Variants in GALNT9 observed in about 807,000 individuals in gnomAD.
The protein encoded by GALNT9 is polypeptide N-acetylgalactosaminyltransferase 9.
GALNT9 carries 47 observed loss-of-function variants against 63.1 expected under a neutral mutation model. The observed-to-expected ratio is 0.75, with a 90% CI of 0.59 to 0.95. GALNT9 has a LOEUF of 0.95. Among genes scored for constraint, GALNT9 ranks in the 40% least tolerant of loss-of-function variants. GALNT9 has a pLI of 0.00. For synonymous variants in GALNT9, 396 were observed against 365.7 expected, an observed-to-expected ratio of 1.08 and a Z score of -0.94; for missense variants, 829 against 874.8, an observed-to-expected ratio of 0.95 and a Z score of 0.66.
At chr12:132,243,740 C>T (rs2136905890) in intron 6 of GALNT9, among the ~76,000 whole-genome samples, 1 of 152,332 alleles carries the variant, frequency 6.6e-6, no homozygotes, top group Middle Eastern at 3.4e-3. Flanking sequence ...CTCTCCCCAA[C>T]ATGCCACCAC....
intron 1 of GALNT9, among the ~76,000 whole-genome samples, chr12:132,311,633 T>A (rs1881815054): frequency 6.6e-6 from 1 of 152,216 alleles, no homozygotes; most frequent in African/African-American, 2.4e-5. Flanking sequence ...CCAGGGCAGC[T>A]GCCGTGGGAC....
rs148718341 is a variant in GALNT9, at chr12:132,250,232, A to G, written c.960-2205T>C. Among the ~76,000 whole-genome samples the G allele has an allele frequency of 3.3e-5, 5 of 152,178 alleles. No homozygotes were observed. The East Asian group carries it at 9.7e-4, about 29-fold the overall frequency. On this transcript the variant is annotated intron_variant, in intron 5 of 10. Coordinates refer to ENST00000328957, the MANE Select transcript of GALNT9 (RefSeq NM_001122636.2). The stretch of plus-strand genomic sequence containing the variant: ...GACTCCGTCCGCATGCAAGGAACAG[A>G]AGAGGCAAGTCCACGGGGGCAGGAA...
At chr12:132,306,809 C>G (rs28429676) in intron 1 of GALNT9, among the ~76,000 whole-genome samples, 48,573 of 152,210 alleles carry the variant, frequency 0.32, 8,971 homozygotes, top group East Asian at 0.57. Flanking sequence ...AGATGGCTCA[C>G]TTCCGCGCAC....
intron 6 of GALNT9, among the ~76,000 whole-genome samples, chr12:132,226,835 C>T (rs1261411453): frequency 2.0e-5 from 3 of 150,018 alleles, no homozygotes; most frequent in East Asian, 4.0e-4. Context: ...ACACCCCACA[C>T]ACACCATATA....
intron 2 of GALNT9, chr12:132,278,149 G>T (rs1880182460): frequency 6.6e-6 from 1 of 152,256 alleles, no homozygotes; most frequent in East Asian, 1.9e-4. Context: ...GCCCCCGGGG[G>T]CTGGGAGTGG....
chr12:132,265,180 C>T lies in GALNT9; in HGVS notation c.420-2555G>A, dbSNP rs782403271. On this transcript the variant is annotated intron_variant, in intron 2 of 10. Transcript: ENST00000328957. This position sits in a 1 kb window ranked among gnomAD's most constrained non-coding sequence, Gnocchi z 5.3. ...AAGATTTTCCAACAAGTCCCAAATGCCCATCAATGAGGAAGGCAAGTCGCT... is the reference window on the plus strand; with the variant it reads ...AAGATTTTCCAACAAGTCCCAAATGTCCATCAATGAGGAAGGCAAGTCGCT... Among the ~76,000 whole-genome samples, 1 of 152,178 alleles carries T rather than the reference C, an allele frequency of 6.6e-6. No homozygotes were observed. Among genetic ancestry groups the T allele is most frequent in the Non-Finnish European group, 1.5e-5 (1 of 68,028 alleles).
intron 6 of GALNT9, among the ~76,000 whole-genome samples, chr12:132,219,474 C>T (rs1052536841): frequency 2.0e-5 from 3 of 152,076 alleles, no homozygotes; most frequent in African/African-American, 4.8e-5. Flanking sequence ...GGACAGGTGC[C>T]GGGCGTGTGG....
intron 2 of GALNT9, among the ~76,000 whole-genome samples, chr12:132,270,276 C>T (rs1021283486): frequency 3.3e-5 from 5 of 152,178 alleles, no homozygotes; most frequent in African/African-American, 1.2e-4. Flanking sequence ...ACAGAGGCCC[C>T]GTGTCTCCCT....
intron 5 of GALNT9, among the ~76,000 whole-genome samples, chr12:132,251,724 T>C (rs1555238596): frequency 2.6e-5 from 4 of 151,312 alleles, no homozygotes; most frequent in Non-Finnish European, 5.9e-5. Flanking sequence ...AGGTAGTGCT[T>C]GGGGTTCCAG....
chr12:132,197,816 T>C lies in GALNT9; in HGVS notation c.1641A>G (p.Thr547=), dbSNP rs761926090. Residue 547 remains threonine, a synonymous_variant, in exon 10 of 11, where the codon ACA becomes ACG. Transcript: ENST00000328957. ...CCTGGGTGAAGTCCCACAGCCGCTG[T>C]GTTGGCCGCGCCACATCCTCACACT... is the stretch of plus-strand genomic sequence containing the variant. ...LKKCEDVARP[T]QRLWDFTQSG... is the part of the protein sequence containing the mutation. 5.2e-6 allele frequency: 8 copies of C among 1,533,206 alleles called. No homozygotes were observed. The highest frequency in any genetic ancestry group is 6.2e-6 in the Non-Finnish European group (7 of 1,134,548). 95.0% of individuals were successfully genotyped at this position (1,533,206 alleles called of 1,614,324 possible).
At chr12:132,216,429 C>T (rs1188937720) in intron 6 of GALNT9, among the ~76,000 whole-genome samples, 1 of 152,240 alleles carries the variant, frequency 6.6e-6, no homozygotes, top group Non-Finnish European at 1.5e-5. Flanking sequence ...GCACTCTCAT[C>T]TGCAGGCAGG....
In GALNT9 at chr12:132,197,840, C is replaced by T. The variant is rs777135599; in HGVS notation, c.1617G>A (p.Lys539=). ...DGTGRMPTLK[K]CEDVARPTQR... ...GTGTTGGCCGCGCCACATCCTCACA[C>T]TTCTTCAGGGTGGGCATGCGGCCCG... The change falls in exon 10 of 11, where the codon AAG becomes AAA. Residue 539 remains lysine (K), a synonymous_variant. Transcript: ENST00000328957. The T allele has an allele frequency of 6.2e-7, 1 of 1,605,664 alleles. No individual in the cohort carries two copies. Among genetic ancestry groups the T allele is most frequent in the Non-Finnish European group, 8.5e-7 (1 of 1,177,238 alleles).
chr12:132,328,482 C>A (rs1035128111), intron 1 of GALNT9, among the ~76,000 whole-genome samples: 3 of 152,334 alleles, frequency 2.0e-5, no homozygotes, highest in East Asian at 1.9e-4. Context: ...ATTTGGGGTG[C>A]CTTCGAACCT....
chr12:132,284,979 T>C (rs1174645426), intron 2 of GALNT9, among the ~76,000 whole-genome samples: 1 of 152,208 alleles, frequency 6.6e-6, no homozygotes, highest in Non-Finnish European at 1.5e-5. Context: ...AACCACTGCC[T>C]GAGTCACAAG....
intron 6 of GALNT9, among the ~76,000 whole-genome samples, chr12:132,244,937 A>T (rs1479277207): frequency 2.7e-5 from 4 of 150,020 alleles, no homozygotes; most frequent in Admixed American, 6.6e-5. Flanking sequence ...GCCAGACAGG[A>T]CACCAAGGTG....
chr12:132,197,394 C>T, intron 10 of GALNT9, 141 bp from the exon 11 acceptor site: 1 of 1,263,920 alleles, frequency 7.9e-7, no homozygotes, highest in Non-Finnish European at 1.1e-6. Context: ...ATCACAGCAG[C>T]ACCCAGGGGG....
At chr12:132,309,990 C>T (rs781869254) in intron 1 of GALNT9, among the ~76,000 whole-genome samples, 2 of 152,232 alleles carry the variant, frequency 1.3e-5, no homozygotes, top group Admixed American at 1.3e-4. Flanking sequence ...CCGACCAACA[C>T]CCAGTCAGCA....
At chr12:132,200,055 A>G (rs1316869274) in intron 8 of GALNT9, among the ~76,000 whole-genome samples, 1 of 152,168 alleles carries the variant, frequency 6.6e-6, no homozygotes, top group Non-Finnish European at 1.5e-5. Flanking sequence ...GAGTGGGCAG[A>G]GTAGAAGCAC....
At position 132,286,163 on chromosome 12, in the gene GALNT9, G is replaced by GT; in HGVS notation, c.419+86dup. On this transcript the variant is annotated intron_variant, in intron 2 of 10. Coordinates refer to ENST00000328957, the MANE Select transcript of GALNT9 (RefSeq NM_001122636.2). The surrounding 1 kb of genome is among the most constrained non-coding windows in gnomAD (Gnocchi z 7.4). ...GGGGCCGCTCACTTCCCCGGCCGGC[G>GT]TGGGGGGCAGTCACTTCCCTGGCCA... is the stretch of plus-strand genomic sequence containing the variant. 7.2e-7 allele frequency: 1 copy of GT among 1,391,068 alleles called. No individual in the cohort carries two copies. Among genetic ancestry groups the GT allele is most frequent in the Non-Finnish European group, 9.5e-7 (1 of 1,054,828 alleles). 86.2% of individuals were successfully genotyped at this position (1,391,068 alleles called of 1,614,324 possible).
Sources: gnomAD v4.1 joint callset for allele counts (sites outside exome capture counted in the v4.1 genomes callset) on GRCh38, gnomAD v4.1.1 for gene constraint, Gnocchi (gnomAD v3.1) non-coding constraint, MANE v1.5 for transcripts, NCBI Gene and HGNC (gene_info 2026-07-23, HGNC 2026-07-21) for gene names.